KCNAB1: variants seen among roughly 807,000 people sequenced by gnomAD.
KCNAB1 encodes the protein voltage-gated potassium channel subunit beta-1.
In KCNAB1, 35 loss-of-function variants were observed where a neutral mutation model predicts 64.6. That is an observed-to-expected ratio of 0.54 (90% CI 0.41 to 0.72). The LOEUF is 0.72. Ranked by LOEUF, KCNAB1 falls within the 30% of genes least tolerant of loss-of-function variation. The pLI, the probability that KCNAB1 is intolerant of heterozygous loss-of-function variation, is 0.00. For synonymous variants in KCNAB1, 177 were observed against 183.8 expected, an observed-to-expected ratio of 0.96 and a Z score of 0.30; for missense variants, 401 against 512.9, an observed-to-expected ratio of 0.78 and a Z score of 2.11.
chr3:156,160,161 G>C (rs1283048496), intron 1 of KCNAB1, among the ~76,000 whole-genome samples: 1 of 152,154 alleles, frequency 6.6e-6, no homozygotes, highest in Non-Finnish European at 1.5e-5. Context: ...AGAGGAAACA[G>C]CATGTTTGAA....
At chr3:156,387,408 T>A (rs1004200824) in intron 1 of KCNAB1, among the ~76,000 whole-genome samples, 2 of 152,190 alleles carry the variant, frequency 1.3e-5, no homozygotes, top group African/African-American at 2.4e-5. Flanking sequence ...GGGGATTTAA[T>A]GGGGTTTCAT....
At chr3:156,178,990 G>A (rs1396548932) in intron 1 of KCNAB1, among the ~76,000 whole-genome samples, 2 of 120,840 alleles carry the variant, frequency 1.7e-5, no homozygotes, top group South Asian at 2.8e-4. Context: ...GACACAGCGA[G>A]ACTCCGTCTC....
intron 2 of KCNAB1, among the ~76,000 whole-genome samples, chr3:156,428,306 C>A (rs1715964614): frequency 6.6e-6 from 1 of 152,144 alleles, no homozygotes; most frequent in African/African-American, 2.4e-5. Context: ...CAAACTGGGA[C>A]ATTGATCTTT....
At chr3:156,432,795 C>G (rs754049273) in intron 2 of KCNAB1, among the ~76,000 whole-genome samples, 2 of 152,166 alleles carry the variant, frequency 1.3e-5, no homozygotes, top group Non-Finnish European at 1.5e-5. Context: ...TGTAACTGCT[C>G]TCTGAAGAAT....
intron 1 of KCNAB1, among the ~76,000 whole-genome samples, chr3:156,153,397 T>C (rs1715531716): frequency 6.6e-6 from 1 of 152,248 alleles, no homozygotes; most frequent in African/African-American, 2.4e-5. Context: ...TCTTCTGAGA[T>C]ATCCATTTTG....
intron 1 of KCNAB1, chr3:156,291,163 C>T (rs576935276): frequency 2.0e-6 from 2 of 985,516 alleles, no homozygotes; most frequent in South Asian, 9.4e-5. Context: ...CCATCGCACA[C>T]AAAGGCAAAG....
At chr3:156,238,296 C>A (rs1716964086) in intron 1 of KCNAB1, among the ~76,000 whole-genome samples, 1 of 151,952 alleles carries the variant, frequency 6.6e-6, no homozygotes, top group Non-Finnish European at 1.5e-5. Context: ...GTGGTGGGCG[C>A]CTGTAGTCCC....
In KCNAB1 at chr3:156,453,005, T is replaced by C. The variant is rs901475032; in HGVS notation, c.357+69T>C. On this transcript the variant is annotated intron_variant, in intron 3 of 13. Transcript: ENST00000490337. ...AGAGAGAGCTGTATTGCAGGAGTCC[T>C]CTTCCTGGGACCCTGACACTCTACA... The C allele has an allele frequency of 8.8e-6, 9 of 1,027,004 alleles. No homozygotes were observed. In the African/African-American group the frequency reaches 1.1e-4, roughly 13 times the overall value. The allele number at this position is 1,027,004 out of a possible 1,614,324, so 63.6% of individuals were successfully genotyped here. A position where few individuals can be genotyped will look rare whatever the true frequency, so the allele number is the denominator to read the frequency against.
intron 12 of KCNAB1, among the ~76,000 whole-genome samples, chr3:156,526,421 T>C (rs1244873832): frequency 6.6e-6 from 1 of 152,224 alleles, no homozygotes; most frequent in East Asian, 1.9e-4. Context: ...TAACCCAATA[T>C]AGCCAAAATA....
At chr3:156,300,587 T>C (rs578041155) in intron 1 of KCNAB1, among the ~76,000 whole-genome samples, 1 of 152,346 alleles carries the variant, frequency 6.6e-6, no homozygotes, top group South Asian at 2.1e-4. Context: ...TCCTTTCGTC[T>C]GCATGCCCTG....
intron 1 of KCNAB1, among the ~76,000 whole-genome samples, chr3:156,177,577 C>T (rs900318908): frequency 2.0e-5 from 3 of 152,008 alleles, no homozygotes; most frequent in African/African-American, 7.2e-5. Context: ...CGGGGTTTCA[C>T]CGTGTTAGCC....
chr3:156,231,714 CAG>C (rs1343926670), intron 1 of KCNAB1, among the ~76,000 whole-genome samples: 2 of 152,020 alleles, frequency 1.3e-5, no homozygotes, highest in African/African-American at 4.8e-5. Context: ...TTGCCTTAAC[CAG>C]AACATTCCTT....
intron 1 of KCNAB1, among the ~76,000 whole-genome samples, chr3:156,166,917 C>T (rs1005766001): frequency 1.3e-5 from 2 of 152,084 alleles, no homozygotes; most frequent in Admixed American, 6.5e-5. Flanking sequence ...ATGTTTATGG[C>T]GGTTTAGTGT....
intron 1 of KCNAB1, among the ~76,000 whole-genome samples, chr3:156,193,014 A>G (rs1325026092): frequency 6.6e-6 from 1 of 152,062 alleles, no homozygotes; most frequent in Non-Finnish European, 1.5e-5. Flanking sequence ...GTAATTATTG[A>G]TATGGTTGGA....
intron 8 of KCNAB1, among the ~76,000 whole-genome samples, chr3:156,479,421 TTTTG>T (rs1040535913): frequency 2.0e-5 from 3 of 152,224 alleles, no homozygotes; most frequent in Non-Finnish European, 2.9e-5. Flanking sequence ...TTTTGGGTTT[TTTTG>T]TTTGTTTCTT....
At chr3:156,234,021 G>T (rs1361327730) in intron 1 of KCNAB1, among the ~76,000 whole-genome samples, 3 of 151,894 alleles carry the variant, frequency 2.0e-5, no homozygotes, top group Non-Finnish European at 4.4e-5. Flanking sequence ...AGACACCTGG[G>T]CTAGAGATGG....
At position 156,121,149 on chromosome 3, in the gene KCNAB1, T is replaced by C. The variant is rs73873501; in HGVS notation, c.275+263T>C. On this transcript the variant is annotated intron_variant, in intron 1 of 13. Transcript: ENST00000490337. Reference sequence around the variant, plus strand: ...GAGCTGACAGGACAAAAGAGCATTATGATTTTTCTTAAGTAAAAATCAGAG... The same window carrying C: ...GAGCTGACAGGACAAAAGAGCATTACGATTTTTCTTAAGTAAAAATCAGAG... Among the ~76,000 whole-genome samples the C allele has an allele frequency of 5.0e-3, 759 of 152,364 alleles. 8 individuals are homozygous for C. The highest frequency in any genetic ancestry group is 0.017 in the African/African-American group (716 of 41,584).
rs142347342 is a variant in KCNAB1 at position 156,177,419 on chromosome 3, G to A, written c.275+56533G>A. Among the ~76,000 whole-genome samples, 1,514 of 151,652 alleles carry A rather than the reference G, an allele frequency of 1.0e-2. 24 individuals are homozygous for A. Among genetic ancestry groups the A allele is most frequent in the African/African-American group, 0.035 (1,441 of 41,374 alleles). On this transcript the variant is annotated intron_variant, in intron 1 of 13. Coordinates refer to ENST00000490337, the MANE Select transcript of KCNAB1 (RefSeq NM_172160.3). ...TGAGAGGGAGTCTCTCTCTGTCGCCGAGGCTGGAGTGCAGCGGCGCAATCT... is the reference window on the plus strand; with the variant it reads ...TGAGAGGGAGTCTCTCTCTGTCGCCAAGGCTGGAGTGCAGCGGCGCAATCT...
intron 1 of KCNAB1, among the ~76,000 whole-genome samples, chr3:156,373,915 C>T (rs934043196): frequency 1.2e-4 from 18 of 152,176 alleles, no homozygotes; most frequent in African/African-American, 4.1e-4. Context: ...GCTGGCTCCC[C>T]AACTGTGTCT....
Sources: allele counts gnomAD v4.1 joint callset (sites outside exome capture counted in the v4.1 genomes callset), GRCh38; gene constraint gnomAD v4.1.1; transcripts MANE v1.5; gene names NCBI Gene and HGNC (gene_info 2026-07-23, HGNC 2026-07-21).